The following PFKL variants were observed in gnomAD, a reference collection of about 807,000 sequenced individuals.
The protein encoded by PFKL is ATP-dependent 6-phosphofructokinase, liver type.
In PFKL, 74 loss-of-function variants were observed where a neutral mutation model predicts 92.1. The observed-to-expected ratio is 0.80, with a 90% CI of 0.67 to 0.97. PFKL has a LOEUF of 0.97. PFKL is among the 50% of genes least tolerant of loss of function. The probability of loss-of-function intolerance (pLI) is 0.00; values close to 1 mark genes in which losing one functional copy is unlikely to be tolerated. For missense variants in PFKL, 1,028 were observed against 1,116.6 expected, an observed-to-expected ratio of 0.92 and a Z score of 1.13; for synonymous variants, 494 against 456.4, an observed-to-expected ratio of 1.08 and a Z score of -1.05.
intron 16 of PFKL, 82 bp downstream of exon 16, chr21:44,324,000 TAG>T: frequency 6.6e-7 from 1 of 1,523,836 alleles, no homozygotes; most frequent in South Asian, 1.1e-5. Context: ...CTGGAGGGGA[TAG>T]TGTGTGGTGA....
intron 19 of PFKL, 140 bp from the exon 20 acceptor site, chr21:44,325,821 G>A (rs2047490574): frequency 6.3e-6 from 4 of 632,240 alleles, no homozygotes; most frequent in Non-Finnish European, 2.8e-6. Context: ...GGAACAGACG[G>A]GAACGGTGCA....
intron 1 of PFKL, among the ~76,000 whole-genome samples, chr21:44,302,952 G>C (rs2040816525): frequency 1.3e-5 from 2 of 152,208 alleles, no homozygotes; most frequent in South Asian, 4.1e-4. Context: ...CTTGAAACAG[G>C]CCGGGCGCGG....
chr21:44,325,417 C>T, intron 19 of PFKL, 153 bp downstream of exon 19: 1 of 625,268 alleles, frequency 1.6e-6, no homozygotes, highest in East Asian at 2.7e-5. Flanking sequence ...GGGACCGAGG[C>T]CTGTATCTAG....
chr21:44,326,041 G>T lies in PFKL; in HGVS notation c.2070G>T (p.Leu690=), dbSNP rs563558193. The T allele has an allele frequency of 9.9e-6, 16 of 1,613,830 alleles. No homozygotes were observed. In the South Asian group the frequency reaches 1.8e-4, roughly 18 times the overall value. Residue 690 remains leucine (L), a synonymous_variant, in exon 20 of 22, where the codon CTG becomes CTT. Transcript: ENST00000349048. Reference sequence around the variant, plus strand: ...CCATGCTGTGGTTGTCGGAGAAGCTGCGCGAGGTTTACCGCAAGGGTAGGT... The same window carrying T: ...CCATGCTGTGGTTGTCGGAGAAGCTTCGCGAGGTTTACCGCAAGGGTAGGT... ...VKAMLWLSEK[L]REVYRKGRVF...
intron 12 of PFKL, chr21:44,320,349 G>A: frequency 2.0e-6 from 1 of 508,076 alleles, no homozygotes; most frequent in East Asian, 3.3e-5. Flanking sequence ...TGGGACCCTG[G>A]CTGCAGGGCT....
rs77319936 is a variant in PFKL at position 44,304,022 on chromosome 21, G to C, written c.86-2659G>C. Among the ~76,000 whole-genome samples the C allele has an allele frequency of 1.5e-3, 225 of 151,662 alleles. 3 individuals carry two copies. In the East Asian group the frequency reaches 0.032, roughly 22 times the overall value. On this transcript the variant is annotated intron_variant, in intron 1 of 21. Coordinates refer to ENST00000349048, the MANE Select transcript of PFKL (RefSeq NM_002626.6). ...AGAAAATTTCCTCCTTCAGGCCGCA[G>C]CCAGTCCCGTTCTAAAATCCAGAAC...
chr21:44,310,857 T>C (rs1395581361), intron 2 of PFKL, 149 bp from the exon 3 acceptor site: 5 of 615,862 alleles, frequency 8.1e-6, no homozygotes, highest in African/African-American at 7.4e-5. Flanking sequence ...CCGGACCCTG[T>C]TACCCAGGCC....
intron 1 of PFKL, among the ~76,000 whole-genome samples, chr21:44,304,066 G>A (rs1193444095): frequency 2.0e-5 from 3 of 151,452 alleles, no homozygotes; most frequent in Non-Finnish European, 4.4e-5. Flanking sequence ...TTCCAGTCCC[G>A]TTCTAAAATC....
intron 7 of PFKL, chr21:44,315,681 G>A (rs934977661): frequency 5.8e-5 from 9 of 155,278 alleles, no homozygotes; most frequent in Admixed American, 1.9e-4. Context: ...GCAGCAGCCT[G>A]AGGCTGGCAG....
intron 4 of PFKL, 83 bp downstream of exon 4, chr21:44,312,377 G>A: frequency 7.7e-7 from 1 of 1,298,378 alleles, no homozygotes; most frequent in Admixed American, 3.2e-5. Flanking sequence ...AGGACAGAGG[G>A]ACGAGGGATC....
intron 1 of PFKL, chr21:44,304,547 C>G (rs1283651879): frequency 8.8e-7 from 1 of 1,134,524 alleles, no homozygotes; most frequent in African/African-American, 1.7e-5. Flanking sequence ...GAGTGGATCT[C>G]CCTCACTGCC....
rs371253111 is a variant in PFKL, at chr21:44,300,332, T to C, written c.85+142T>C. On this transcript the variant is annotated intron_variant, in intron 1 of 21. Coordinates refer to ENST00000349048, the MANE Select transcript of PFKL (RefSeq NM_002626.6). ...GCCCCGGCCTCCCGCCCCGGCCTCC[T>C]GCCCCGGGTCTGTCCCCCGCTCTTC... 183 of 212,020 alleles carry C rather than the reference T, an allele frequency of 8.6e-4. 1 individual carries two copies. The highest frequency in any genetic ancestry group is 1.6e-3 in the African/African-American group (63 of 40,496). 13.1% of individuals were successfully genotyped at this position (212,020 alleles called of 1,614,324 possible).
At chr21:44,322,319 C>A (rs994114667) in intron 14 of PFKL, 116 bp downstream of exon 14, 11 of 949,756 alleles carry the variant, frequency 1.2e-5, no homozygotes, top group Non-Finnish European at 1.7e-5. Flanking sequence ...GGCCCCTCTT[C>A]CTGCTGGTGG....
chr21:44,324,743 G>T, intron 17 of PFKL, 88 bp downstream of exon 17: 1 of 1,566,712 alleles, frequency 6.4e-7, no homozygotes, highest in South Asian at 1.2e-5. Flanking sequence ...GCAGGGCAGG[G>T]CCCGGGCAGG....
intron 13 of PFKL, 56 bp from the exon 14 acceptor site, chr21:44,322,077 G>C: frequency 6.4e-7 from 1 of 1,554,830 alleles, no homozygotes; most frequent in Non-Finnish European, 8.7e-7. Flanking sequence ...CCCACCCCTG[G>C]GGGGAATTGG....
At chr21:44,324,217 C>G (rs533919103) in intron 16 of PFKL, among the ~76,000 whole-genome samples, 27 of 152,244 alleles carry the variant, frequency 1.8e-4, no homozygotes, top group Non-Finnish European at 3.4e-4. Context: ...GGCCTCTGTC[C>G]AAGGGTGCCA....
At chr21:44,321,513 G>A in intron 12 of PFKL, 2 of 436,852 alleles carry the variant, frequency 4.6e-6, no homozygotes, top group Non-Finnish European at 7.9e-6. Context: ...AGGGGGCCAG[G>A]CTTGCACCGT....
intron 2 of PFKL, among the ~76,000 whole-genome samples, chr21:44,309,547 C>T (rs1416473755): frequency 6.6e-6 from 1 of 152,148 alleles, no homozygotes; most frequent in Non-Finnish European, 1.5e-5. Context: ...AGCCACTGGC[C>T]TTGTGGGGTC....
intron 10 of PFKL, 98 bp downstream of exon 10, chr21:44,318,693 AC>A (rs2047278122): frequency 9.2e-7 from 1 of 1,088,036 alleles, no homozygotes; most frequent in Non-Finnish European, 1.2e-6. Flanking sequence ...CACTGTGAGC[AC>A]CGGAGGGCAG....
Sources: gnomAD v4.1 joint callset for allele counts (sites outside exome capture counted in the v4.1 genomes callset) on GRCh38, gnomAD v4.1.1 for gene constraint, MANE v1.5 for transcripts, NCBI Gene and HGNC (gene_info 2026-07-23, HGNC 2026-07-21) for gene names.